Variants in STXBP5L observed in about 807,000 individuals in gnomAD.
STXBP5L encodes syntaxin binding protein 5L.
STXBP5L carries 65 observed loss-of-function variants against 144.5 expected under a neutral mutation model. The ratio of observed to expected loss-of-function variants is 0.45; its 90% CI spans 0.37 to 0.55. STXBP5L has a LOEUF of 0.55. Among genes scored for constraint, STXBP5L ranks in the 20% least tolerant of loss-of-function variants. The pLI, the probability that STXBP5L is intolerant of heterozygous loss-of-function variation, is 0.00. For synonymous variants in STXBP5L, 505 were observed against 469.6 expected (o/e 1.08, Z -0.97); for missense variants, 1,298 against 1,405.5 (o/e 0.92, Z 1.22).
intron 3 of STXBP5L, among the ~76,000 whole-genome samples, chr3:120,996,668 C>A (rs1157832476): frequency 1.3e-5 from 2 of 152,130 alleles, no homozygotes; most frequent in African/African-American, 4.8e-5. Context: ...CCTATGAATT[C>A]AACTTTTTTA....
intron 5 of STXBP5L, among the ~76,000 whole-genome samples, chr3:121,071,499 C>T (rs1258034309): frequency 6.6e-6 from 1 of 152,160 alleles, no homozygotes; most frequent in East Asian, 1.9e-4. Context: ...GTTGGGTGGT[C>T]TTGGTTTTGT....
chr3:120,958,416 G>C (rs954514041), intron 3 of STXBP5L, among the ~76,000 whole-genome samples: 5 of 152,044 alleles, frequency 3.3e-5, no homozygotes, highest in African/African-American at 1.2e-4. Flanking sequence ...TATCAGGCCA[G>C]CATCATCCTG....
At chr3:121,082,022 A>AT (rs1226589750) in intron 5 of STXBP5L, among the ~76,000 whole-genome samples, 1 of 152,150 alleles carries the variant, frequency 6.6e-6, no homozygotes, top group African/African-American at 2.4e-5. Context: ...TATTGTAACC[A>AT]TACAGTAAGC....
intron 15 of STXBP5L, among the ~76,000 whole-genome samples, chr3:121,251,019 G>C (rs1319942373): frequency 6.6e-6 from 1 of 152,130 alleles, no homozygotes; most frequent in African/African-American, 2.4e-5. Context: ...CAAGAGGCAT[G>C]ATACATCAGA....
Position 121,009,995 on chromosome 3 carries a change from C to G in STXBP5L, c.288-31705C>G, listed in dbSNP as rs143781616. ...CACCACATGCTAGAGGCTATGTTGA[C>G]ATGTTCTAGTAAAGATACTTCATCT... On this transcript the variant is annotated intron_variant, in intron 3 of 26. Coordinates refer to ENST00000471454, the MANE Select transcript of STXBP5L (RefSeq NM_001308330.2). 6.1e-3 allele frequency among the ~76,000 whole-genome samples: 926 copies of G among 151,934 alleles called. 8 individuals carry two copies. Among genetic ancestry groups the G allele is most frequent in the African/African-American group, 0.021 (878 of 41,468 alleles).
chr3:121,413,515 G>A (rs1321273065), intron 24 of STXBP5L, among the ~76,000 whole-genome samples, 192 bp downstream of exon 24: 4 of 151,574 alleles, frequency 2.6e-5, no homozygotes, highest in Non-Finnish European at 5.9e-5. Flanking sequence ...GAAATAATAA[G>A]AAAGAGGGAG....
rs1445027632 is a variant in STXBP5L, at chr3:121,344,045, A to G, written c.2176+25505A>G. ...AAAACAGCATGGTACTGGTACCAAAACAGAGATATAGATCAATGGAACACA... is the reference window on the plus strand; with the variant it reads ...AAAACAGCATGGTACTGGTACCAAAGCAGAGATATAGATCAATGGAACACA... On this transcript the variant is annotated intron_variant, in intron 20 of 26. Coordinates refer to ENST00000471454, the MANE Select transcript of STXBP5L (RefSeq NM_001308330.2). Among the ~76,000 whole-genome samples the G allele has an allele frequency of 9.9e-5, 15 of 152,168 alleles. 1 individual carries two copies. Among genetic ancestry groups the G allele is most frequent in the African/African-American group, 3.4e-4 (14 of 41,500 alleles).
intron 3 of STXBP5L, among the ~76,000 whole-genome samples, chr3:120,959,285 A>T (rs1378840724): frequency 6.6e-6 from 1 of 152,228 alleles, no homozygotes; most frequent in Non-Finnish European, 1.5e-5. Flanking sequence ...TTCCATGCTC[A>T]TGGTTAGGAA....
chr3:121,288,984 G>A (rs747621688), intron 19 of STXBP5L, among the ~76,000 whole-genome samples: 15 of 151,956 alleles, frequency 9.9e-5, no homozygotes, highest in Non-Finnish European at 1.6e-4. Flanking sequence ...TGGAGTGTGA[G>A]AGCGGGGAGA....
intron 3 of STXBP5L, among the ~76,000 whole-genome samples, chr3:120,980,542 C>T (rs1196602470): frequency 6.6e-6 from 1 of 150,760 alleles, no homozygotes; most frequent in Admixed American, 6.6e-5. Flanking sequence ...TTTTGGTTTC[C>T]ATTTGCATAA....
intron 19 of STXBP5L, among the ~76,000 whole-genome samples, chr3:121,303,544 T>C (rs950051089): frequency 2.6e-5 from 4 of 152,184 alleles, no homozygotes; most frequent in South Asian, 2.1e-4. Context: ...ACCCAAAGGA[T>C]TATAAATCAT....
At chr3:121,049,273 C>T (rs1446630314) in intron 5 of STXBP5L, among the ~76,000 whole-genome samples, 1 of 152,022 alleles carries the variant, frequency 6.6e-6, no homozygotes, top group Non-Finnish European at 1.5e-5. Flanking sequence ...TGTAGGGCAA[C>T]AAACATGGTG....
At chr3:121,061,473 A>C (rs142813530) in intron 5 of STXBP5L, among the ~76,000 whole-genome samples, 1 of 152,216 alleles carries the variant, frequency 6.6e-6, no homozygotes, top group Non-Finnish European at 1.5e-5. Context: ...AGAGTTCTGT[A>C]GATGTCTATT....
chr3:121,084,137 T>A (rs2042381002), intron 5 of STXBP5L, among the ~76,000 whole-genome samples: 1 of 152,160 alleles, frequency 6.6e-6, no homozygotes, highest in Non-Finnish European at 1.5e-5. Context: ...TTATTTTGGT[T>A]TTCTTTTTCT....
chr3:121,211,631 T>C (rs2108256888), intron 10 of STXBP5L, among the ~76,000 whole-genome samples: 1 of 136,864 alleles, frequency 7.3e-6, no homozygotes, highest in East Asian at 2.2e-4. Context: ...CAGGCTGGAG[T>C]GCAGTGGCGT....
At chr3:120,927,062 A>G (rs1160657865) in intron 2 of STXBP5L, among the ~76,000 whole-genome samples, 3 of 151,132 alleles carry the variant, frequency 2.0e-5, no homozygotes, top group Non-Finnish European at 4.4e-5. Flanking sequence ...CAGCCTCCCG[A>G]GTATCTAGGA....
chr3:121,143,224 G>T (rs538216125), intron 7 of STXBP5L, among the ~76,000 whole-genome samples: 2 of 150,280 alleles, frequency 1.3e-5, no homozygotes, highest in Admixed American at 1.3e-4. Context: ...TTTTAACGAG[G>T]AAAAGCTCAG....
chr3:121,094,697 A>G (rs1034486975), intron 5 of STXBP5L, among the ~76,000 whole-genome samples: 2 of 152,168 alleles, frequency 1.3e-5, no homozygotes, highest in South Asian at 2.1e-4. Flanking sequence ...CCTGAATACA[A>G]CACACTGATG....
intron 5 of STXBP5L, among the ~76,000 whole-genome samples, chr3:121,104,261 T>C (rs2043579865): frequency 6.6e-6 from 1 of 152,008 alleles, no homozygotes; most frequent in Admixed American, 6.6e-5. Flanking sequence ...TACAAACAAG[T>C]AGAAACACAT....
Sources: allele counts gnomAD v4.1 joint callset (sites outside exome capture counted in the v4.1 genomes callset), GRCh38; gene constraint gnomAD v4.1.1; transcripts MANE v1.5; gene names NCBI Gene and HGNC (gene_info 2026-07-23, HGNC 2026-07-21).